The following TNKS variants were observed in gnomAD, a reference collection of about 807,000 sequenced individuals.
The protein encoded by TNKS is poly [ADP-ribose] polymerase tankyrase-1.
In TNKS, 72 loss-of-function variants were observed where a neutral mutation model predicts 135.8. That is an observed-to-expected ratio of 0.53 (90% CI 0.44 to 0.64). TNKS has a LOEUF of 0.64. TNKS is among the 30% of genes least tolerant of loss of function. The probability of loss-of-function intolerance (pLI) is 0.00; values close to 1 mark genes in which losing one functional copy is unlikely to be tolerated. For synonymous variants in TNKS, 849 were observed against 649.3 expected, an observed-to-expected ratio of 1.31 and a Z score of -4.68; for missense variants, 1,769 against 1,674.0, an observed-to-expected ratio of 1.06 and a Z score of -0.99.
chr8:9,656,721 A>G (rs1459113688), intron 3 of TNKS, among the ~76,000 whole-genome samples: 1 of 150,908 alleles, frequency 6.6e-6, no homozygotes, highest in African/African-American at 2.4e-5. Context: ...CAGCAGATAA[A>G]CAAGTGAACA....
intron 2 of TNKS, among the ~76,000 whole-genome samples, chr8:9,607,617 G>C (rs952870992): frequency 8.6e-5 from 13 of 152,032 alleles, no homozygotes; most frequent in African/African-American, 2.9e-4. Flanking sequence ...ATTTCCATTT[G>C]TCGTATCAAA....
chr8:9,666,092 T>G (rs1055961815), intron 3 of TNKS, among the ~76,000 whole-genome samples: 4 of 152,198 alleles, frequency 2.6e-5, no homozygotes, highest in African/African-American at 9.6e-5. Context: ...TAGTAACAGC[T>G]TTTGCTGCTG....
intron 2 of TNKS, among the ~76,000 whole-genome samples, chr8:9,605,657 G>T (rs1799189042): frequency 6.6e-6 from 1 of 151,932 alleles, no homozygotes; most frequent in Non-Finnish European, 1.5e-5. Flanking sequence ...TTAACACTTG[G>T]TATTGCCAGT....
intron 3 of TNKS, among the ~76,000 whole-genome samples, chr8:9,641,398 G>T (rs1411376180): frequency 1.4e-5 from 2 of 144,178 alleles, no homozygotes; most frequent in African/African-American, 5.1e-5. Flanking sequence ...ATTTCCAAGT[G>T]ATAATAAAAA....
At chr8:9,708,198 C>G (rs1804142196) in intron 8 of TNKS, among the ~76,000 whole-genome samples, 173 bp from the exon 9 acceptor site, 1 of 152,144 alleles carries the variant, frequency 6.6e-6, no homozygotes, top group Admixed American at 6.5e-5. Flanking sequence ...ACATACTTCA[C>G]ATTAATCTAC....
At chr8:9,659,217 G>A (rs1001216583) in intron 3 of TNKS, among the ~76,000 whole-genome samples, 11 of 152,086 alleles carry the variant, frequency 7.2e-5, no homozygotes, top group African/African-American at 1.4e-4. Flanking sequence ...GTTGAACTCC[G>A]CTCTGCACCA....
intron 1 of TNKS, chr8:9,558,871 C>T (rs1236472872): frequency 6.6e-6 from 1 of 152,016 alleles, no homozygotes; most frequent in East Asian, 1.9e-4. Context: ...TGATTGAATT[C>T]GTAACATTAA....
Position 9,733,273 on chromosome 8 carries a change from G to A in TNKS, c.2148-6G>A, listed in dbSNP as rs373339283. On this transcript the variant is annotated splice_polypyrimidine_tract_variant and splice_region_variant and intron_variant, in intron 14 of 26. Transcript: ENST00000310430. Reference sequence around the variant, plus strand: ...TATGACTTTAAAATAACTTTCTTTTGTTTAGTGGCTTGGTGCCCCTTCATA... The same window carrying A: ...TATGACTTTAAAATAACTTTCTTTTATTTAGTGGCTTGGTGCCCCTTCATA... The A allele has an allele frequency of 5.6e-4, 871 of 1,552,648 alleles. No individual in the cohort carries two copies. Among genetic ancestry groups the A allele is most frequent in the Admixed American group, 1.3e-3 (56 of 44,538 alleles).
intron 12 of TNKS, among the ~76,000 whole-genome samples, chr8:9,724,288 T>C (rs1252704674): frequency 6.6e-6 from 1 of 152,006 alleles, no homozygotes; most frequent in African/African-American, 2.4e-5. Context: ...CGTCTCTACT[T>C]AAAAATTTTT....
chr8:9,615,679 TAAG>T lies in TNKS; in HGVS notation c.994+7_994+9del. The T allele has an allele frequency of 6.2e-7, 1 of 1,607,866 alleles. No individual in the cohort carries two copies. The highest frequency in any genetic ancestry group is 1.1e-5 in the South Asian group (1 of 90,120). On this transcript the variant is annotated splice_donor_5th_base_variant and intron_variant, in intron 3 of 26. Transcript: ENST00000310430. ...CTTCAGCAAAAGCTGTCCTTACAGG[TAAG>T]AAGACAGAGAGCTACCGAATGATTA...
At chr8:9,726,747 A>G in intron 13 of TNKS, 27 bp downstream of exon 13, 4 of 1,561,604 alleles carry the variant, frequency 2.6e-6, no homozygotes, top group Non-Finnish European at 3.5e-6. Flanking sequence ...AATATCTGGA[A>G]TAGCACTGTT....
At chr8:9,570,596 C>T (rs1384477307) in intron 1 of TNKS, among the ~76,000 whole-genome samples, 1 of 152,184 alleles carries the variant, frequency 6.6e-6, no homozygotes, top group East Asian at 1.9e-4. Context: ...TACCTGGCAA[C>T]CTTTAACCCA....
chr8:9,585,640 C>T (rs7837923), intron 2 of TNKS, among the ~76,000 whole-genome samples: 10,236 of 152,202 alleles, frequency 0.067, 376 homozygotes, highest in South Asian at 0.16. Flanking sequence ...TTGTAATTTC[C>T]TTGATAAAGA....
intron 3 of TNKS, among the ~76,000 whole-genome samples, chr8:9,664,566 G>C (rs1801901079): frequency 1.3e-5 from 2 of 152,164 alleles, no homozygotes; most frequent in African/African-American, 4.8e-5. Context: ...ACACTCATCT[G>C]AAATTCCAAG....
At chr8:9,770,083 A>C in intron 25 of TNKS, 23 bp from the exon 26 acceptor site, 1 of 1,578,388 alleles carries the variant, frequency 6.3e-7, no homozygotes, top group Non-Finnish European at 8.6e-7. Flanking sequence ...CCTTCAAAGC[A>C]TTGTTTTTTT....
intron 2 of TNKS, among the ~76,000 whole-genome samples, chr8:9,582,966 A>T (rs1215871266): frequency 6.6e-6 from 1 of 152,044 alleles, no homozygotes; most frequent in South Asian, 2.1e-4. Context: ...GGAGATCGAG[A>T]CCATCCTGGC....
intron 5 of TNKS, among the ~76,000 whole-genome samples, chr8:9,683,225 T>C (rs752513484): frequency 2.0e-4 from 30 of 152,122 alleles, no homozygotes; most frequent in Non-Finnish European, 3.1e-4. Context: ...TGGGACAAGA[T>C]CCCTTGGTTA....
chr8:9,672,348 A>G (rs1390692333), intron 3 of TNKS, among the ~76,000 whole-genome samples: 1 of 152,126 alleles, frequency 6.6e-6, no homozygotes, highest in Non-Finnish European at 1.5e-5. Context: ...TCTACCATAT[A>G]TTACAAAACA....
Position 9,664,148 on chromosome 8 carries a change from A to G in TNKS, c.995-15803A>G, listed in dbSNP as rs183945154. 3.3e-5 allele frequency among the ~76,000 whole-genome samples: 5 copies of G among 152,286 alleles called. No homozygotes were observed. In the East Asian group the frequency reaches 7.7e-4, roughly 24 times the overall value. On this transcript the variant is annotated intron_variant, in intron 3 of 26. Coordinates refer to ENST00000310430, the MANE Select transcript of TNKS (RefSeq NM_003747.3). Reference sequence around the variant, plus strand: ...GGTAATTTATAAAGAAAAGAGGTTTATTTGGCTCACAGTTTTGCAGGCTGT... The same window carrying G: ...GGTAATTTATAAAGAAAAGAGGTTTGTTTGGCTCACAGTTTTGCAGGCTGT...
Sources: gnomAD v4.1 joint callset for allele counts (sites outside exome capture counted in the v4.1 genomes callset) on GRCh38, gnomAD v4.1.1 for gene constraint, MANE v1.5 for transcripts, NCBI Gene and HGNC (gene_info 2026-07-23, HGNC 2026-07-21) for gene names.